The following WDR25 variants were observed in gnomAD, a reference collection of about 807,000 sequenced individuals.
WDR25 encodes the protein WD repeat-containing protein 25.
WDR25 carries 35 observed loss-of-function variants against 47.7 expected under a neutral mutation model. The ratio of observed to expected loss-of-function variants is 0.73; its 90% CI spans 0.56 to 0.97. WDR25 has a LOEUF of 0.97. Among genes scored for constraint, WDR25 ranks in the 50% least tolerant of loss-of-function variants. WDR25 has a pLI of 0.00. For synonymous variants in WDR25, 248 were observed against 278.9 expected, an observed-to-expected ratio of 0.89 and a Z score of 1.10; for missense variants, 634 against 704.7, an observed-to-expected ratio of 0.90 and a Z score of 1.14.
chr14:100,391,536 A>G (rs889465085), intron 2 of WDR25, among the ~76,000 whole-genome samples: 6 of 152,192 alleles, frequency 3.9e-5, no homozygotes, highest in Admixed American at 3.9e-4. Context: ...GTTTTTGACC[A>G]TAAAAGAAAT....
At position 100,502,402 on chromosome 14, in the gene WDR25, G is replaced by A. The variant is rs1221667518; in HGVS notation, c.1101+18278G>A. On this transcript the variant is annotated intron_variant, in intron 4 of 6. Transcript: ENST00000402312. The surrounding 1 kb of genome is among the most constrained non-coding windows in gnomAD (Gnocchi z 4.5). ...GGCTGAACTCCATGACCTAGCCTGT[G>A]TAGAGCACAACCCCCAGTTGTTAGC... Among the ~76,000 whole-genome samples the A allele has an allele frequency of 6.6e-6, 1 of 152,234 alleles. No individual in the cohort carries two copies. The highest frequency in any genetic ancestry group is 1.5e-5 in the Non-Finnish European group (1 of 68,042).
intron 4 of WDR25, chr14:100,504,392 G>A (rs1161585331): frequency 6.6e-6 from 1 of 152,114 alleles, no homozygotes; most frequent in Non-Finnish European, 1.5e-5. Context: ...TAATAAATCA[G>A]TTATTTTTCC....
At position 100,381,240 on chromosome 14, in the gene WDR25, A is replaced by G. The variant is rs1011719246; in HGVS notation, c.316A>G (p.Thr106Ala). 1.9e-6 allele frequency: 3 copies of G among 1,612,698 alleles called. No homozygotes were observed. In the African/African-American group the frequency reaches 4.0e-5, roughly 22 times the overall value. The change falls in exon 2 of 7, where the codon ACC (threonine) becomes GCC (alanine). Residue 106 changes from threonine to alanine, a missense_variant. Transcript: ENST00000402312. ...LQWPGKEPQVTFPIKEPSCSS... is the reference protein window; with the variant it reads ...LQWPGKEPQVAFPIKEPSCSS... The stretch of plus-strand genomic sequence containing the variant: ...GTGGCCCGGGAAGGAGCCTCAAGTC[A>G]CCTTCCCCATCAAAGAGCCTTCTTG...
At position 100,506,204 on chromosome 14, in the gene WDR25, T is replaced by C. The variant is rs546640552; in HGVS notation, c.1102-19666T>C. Reference sequence around the variant, plus strand: ...TCCTGCATTAATTTGCTTAGGAAAATGGTCTCCAACTTCATCCGTGTTGCT... The same window carrying C: ...TCCTGCATTAATTTGCTTAGGAAAACGGTCTCCAACTTCATCCGTGTTGCT... On this transcript the variant is annotated intron_variant, in intron 4 of 6. Transcript: ENST00000402312. The surrounding 1 kb of genome is among the most constrained non-coding windows in gnomAD (Gnocchi z 4.8). Among the ~76,000 whole-genome samples the C allele has an allele frequency of 2.0e-4, 31 of 152,350 alleles. 1 individual carries two copies. In the Middle Eastern group the frequency reaches 0.02, roughly 100 times the overall value.
At position 100,474,131 on chromosome 14, in the gene WDR25, C is replaced by A. The variant is rs114162275; in HGVS notation, c.970+5963C>A. ...GTTAGCAGCCGCCTACTTTCTTGCC[C>A]ACTTGTGAGTGGGTCTATTTTCCAA... is the stretch of plus-strand genomic sequence containing the variant. On this transcript the variant is annotated intron_variant, in intron 3 of 6. Coordinates refer to ENST00000402312, the MANE Select transcript of WDR25 (RefSeq NM_001161476.3). 9.4e-4 allele frequency among the ~76,000 whole-genome samples: 143 copies of A among 152,290 alleles called. 1 individual carries two copies. Among genetic ancestry groups the A allele is most frequent in the Admixed American group, 8.1e-3 (124 of 15,300 alleles).
intron 2 of WDR25, among the ~76,000 whole-genome samples, chr14:100,408,214 A>G (rs887359006): frequency 6.6e-6 from 1 of 152,060 alleles, no homozygotes; most frequent in African/African-American, 2.4e-5. Flanking sequence ...TTCCTGTGAT[A>G]ATCTAGGCCT....
At chr14:100,388,818 A>G (rs569391525) in intron 2 of WDR25, among the ~76,000 whole-genome samples, 21 of 152,354 alleles carry the variant, frequency 1.4e-4, no homozygotes, top group Middle Eastern at 3.4e-3. Context: ...AGTTCAGTGT[A>G]CCAAGGGCGG....
intron 4 of WDR25, among the ~76,000 whole-genome samples, chr14:100,521,679 C>T (rs886607518): frequency 6.6e-6 from 1 of 152,036 alleles, no homozygotes; most frequent in African/African-American, 2.4e-5. Flanking sequence ...TTGGGTTGTT[C>T]CCTGTTTTTT....
chr14:100,403,997 A>C (rs1295688357), intron 2 of WDR25, among the ~76,000 whole-genome samples: 1 of 152,204 alleles, frequency 6.6e-6, no homozygotes, highest in Non-Finnish European at 1.5e-5. Flanking sequence ...CCTTGAGTAG[A>C]ATGAGGCAAT....
intron 2 of WDR25, among the ~76,000 whole-genome samples, chr14:100,429,380 GAGA>G (rs1472764389): frequency 1.3e-5 from 2 of 152,264 alleles, no homozygotes; most frequent in East Asian, 3.9e-4. Context: ...AAAGAAAGAG[GAGA>G]AGAAGTTGCC....
intron 2 of WDR25, among the ~76,000 whole-genome samples, chr14:100,439,945 C>T (rs6575780): frequency 0.048 from 7,340 of 152,184 alleles, 566 homozygotes; most frequent in African/African-American, 0.17. Flanking sequence ...TTGCCCAAAC[C>T]CCACTTCCAG....
rs745418254 is a variant in WDR25 at position 100,468,101 on chromosome 14, T to G, written c.903T>G (p.Ala301=). ...AGGCAGTGCGGGCCGCCCGGTGGGC[T>G]CCCTGTGGCCGGCGCATCCTCAGTG... is the stretch of plus-strand genomic sequence containing the variant. The part of the protein sequence containing the change: ...HTEAVRAARW[A]PCGRRILSGG... Residue 301 remains alanine, a synonymous_variant, in exon 3 of 7, where the codon GCT becomes GCG. Coordinates refer to ENST00000402312, the MANE Select transcript of WDR25 (RefSeq NM_001161476.3). This position sits in a 1 kb window ranked among gnomAD's most constrained non-coding sequence, Gnocchi z 4.5. The G allele has an allele frequency of 4.3e-6, 7 of 1,613,570 alleles. No homozygotes were observed. Among genetic ancestry groups the G allele is most frequent in the Non-Finnish European group, 5.9e-6 (7 of 1,180,020 alleles).
chr14:100,421,558 T>G (rs1293613222), intron 2 of WDR25, among the ~76,000 whole-genome samples: 2 of 152,192 alleles, frequency 1.3e-5, no homozygotes, highest in East Asian at 3.8e-4. Flanking sequence ...TAAAATAAAC[T>G]TCCATAGATG....
chr14:100,396,867 C>G (rs1897271605), intron 2 of WDR25, among the ~76,000 whole-genome samples: 1 of 152,240 alleles, frequency 6.6e-6, no homozygotes. Context: ...CAATACCTAT[C>G]TCACAGACCT....
Position 100,440,845 on chromosome 14 carries a change from G to T in WDR25, c.823-27176G>T, listed in dbSNP as rs1338975185. Among the ~76,000 whole-genome samples, 1 of 152,228 alleles carries T rather than the reference G, an allele frequency of 6.6e-6. No individual in the cohort carries two copies. Among genetic ancestry groups the T allele is most frequent in the Admixed American group, 6.5e-5 (1 of 15,290 alleles). On this transcript the variant is annotated intron_variant, in intron 2 of 6. Transcript: ENST00000402312. The surrounding 1 kb of genome is among the most constrained non-coding windows in gnomAD (Gnocchi z 4.4). ...GGAGGGATGTGTGACAAACATACCA[G>T]GCTGTCATTTGGCCAGAGATTGTCT...
rs1595156196 is a variant in WDR25, at chr14:100,506,152, A to G, written c.1102-19718A>G. Among the ~76,000 whole-genome samples, 1 of 152,220 alleles carries G rather than the reference A, an allele frequency of 6.6e-6. No homozygotes were observed. The highest frequency in any genetic ancestry group is 2.4e-5 in the African/African-American group (1 of 41,448). On this transcript the variant is annotated intron_variant, in intron 4 of 6. Coordinates refer to ENST00000402312, the MANE Select transcript of WDR25 (RefSeq NM_001161476.3). This position sits in a 1 kb window ranked among gnomAD's most constrained non-coding sequence, Gnocchi z 4.8. ...AAAGTTTAGCTTCCACTTATAAGTG[A>G]AAACATGGAGTATTTTTGTTTTCTG...
At chr14:100,380,860 A>C in intron 1 of WDR25, 50 bp from the exon 2 acceptor site, 2 of 1,496,920 alleles carry the variant, frequency 1.3e-6, no homozygotes, top group Non-Finnish European at 1.8e-6. Flanking sequence ...ATAACTACAT[A>C]CATATTCTTC....
Position 100,468,142 on chromosome 14 carries a change from C to T in WDR25, c.944C>T (p.Ala315Val), listed in dbSNP as rs751915088. ...RRILSGGFDF[A>V]LHLTDLETGT... ...ATCCTCAGTGGTGGCTTTGACTTCG[C>T]GCTGCACCTAACAGACCTTGAAACA... Residue 315 changes from alanine (A) to valine (V), a missense_variant, in exon 3 of 7, where the codon GCG becomes GTG. Ala to Val is a moderately conservative substitution (Grantham distance 64). Coordinates refer to ENST00000402312, the MANE Select transcript of WDR25 (RefSeq NM_001161476.3). This position sits in a 1 kb window ranked among gnomAD's most constrained non-coding sequence, Gnocchi z 4.5. 79 of 1,613,348 alleles carry T rather than the reference C, an allele frequency of 4.9e-5. No individual in the cohort carries two copies. Among genetic ancestry groups the T allele is most frequent in the African/African-American group, 1.7e-4 (13 of 74,920 alleles).
Position 100,530,238 on chromosome 14 carries a change from G to C in WDR25, c.*197G>C, listed in dbSNP as rs186165868. On this transcript the variant is annotated 3_prime_UTR_variant, in exon 7 of 7. Coordinates refer to ENST00000402312, the MANE Select transcript of WDR25 (RefSeq NM_001161476.3). ...GTGTGAGGACTACACTAGTGAAAGC[G>C]CCTGGCGGGCAGCCGGCGATGCCCA... The C allele has an allele frequency of 5.1e-6, 3 of 586,094 alleles. No homozygotes were observed. The East Asian group carries it at 9.1e-5, about 18-fold the overall frequency. 36.3% of individuals were successfully genotyped at this position (586,094 alleles called of 1,614,324 possible).
Sources: gnomAD v4.1 joint callset for allele counts (sites outside exome capture counted in the v4.1 genomes callset) on GRCh38, gnomAD v4.1.1 for gene constraint, Gnocchi (gnomAD v3.1) non-coding constraint, MANE v1.5 for transcripts, NCBI Gene and HGNC (gene_info 2026-07-23, HGNC 2026-07-21) for gene names.